The following DPY19L1 variants were observed in gnomAD, a reference collection of about 807,000 sequenced individuals.
The protein encoded by DPY19L1 is protein C-mannosyl-transferase DPY19L1.
A neutral mutation model predicts 96.9 loss-of-function variants in DPY19L1; 35 were observed. The ratio of observed to expected loss-of-function variants is 0.36; its 90% CI spans 0.28 to 0.48. DPY19L1 has a LOEUF of 0.48. Ranked by LOEUF, DPY19L1 falls within the 20% of genes least tolerant of loss-of-function variation. The pLI, the probability that DPY19L1 is intolerant of heterozygous loss-of-function variation, is 0.99. For missense variants in DPY19L1, 521 were observed against 777.9 expected (o/e 0.67, Z 3.93); for synonymous variants, 205 against 252.6 (o/e 0.81, Z 1.79).
chr7:35,020,741 C>T (rs10261043), intron 1 of DPY19L1, among the ~76,000 whole-genome samples: 1 of 152,016 alleles, frequency 6.6e-6, no homozygotes, highest in Non-Finnish European at 1.5e-5. Flanking sequence ...AGGAGTCTTG[C>T]TCTGTCACCC....
chr7:34,957,315 G>A (rs768432049), intron 11 of DPY19L1, among the ~76,000 whole-genome samples: 1 of 152,128 alleles, frequency 6.6e-6, no homozygotes, highest in African/African-American at 2.4e-5. Context: ...CTGGGAGGCG[G>A]AGTGAGCCAA....
Position 35,006,802 on chromosome 7 carries a change from G to C in DPY19L1, c.764+3666C>G, listed in dbSNP as rs1785568221. Among the ~76,000 whole-genome samples, 5 of 152,110 alleles carry C rather than the reference G, an allele frequency of 3.3e-5. No individual in the cohort carries two copies. The South Asian group carries it at 1.0e-3, about 32-fold the overall frequency. On this transcript the variant is annotated intron_variant, in intron 6 of 21. Coordinates refer to ENST00000638088, the MANE Select transcript of DPY19L1 (RefSeq NM_001366673.1). ...TTCTATTTTCCCTTCTTCCATTTCT[G>C]GCGAAATGGACTGGCTTACCTGGCT...
chr7:34,938,282 A>C (rs1783916546), intron 20 of DPY19L1, among the ~76,000 whole-genome samples, 163 bp from the exon 21 acceptor site: 1 of 152,266 alleles, frequency 6.6e-6, no homozygotes, highest in African/African-American at 2.4e-5. Flanking sequence ...TGAGGTCAAA[A>C]GCAGAAGGCA....
intron 11 of DPY19L1, among the ~76,000 whole-genome samples, chr7:34,957,134 G>A (rs1323896676): frequency 6.6e-6 from 1 of 151,926 alleles, no homozygotes; most frequent in African/African-American, 2.4e-5. Context: ...TGTAATCCCA[G>A]CACTTTGGGA....
Position 34,931,715 on chromosome 7 carries a change from A to G in DPY19L1, c.2105T>C (p.Met702Thr). The G allele has an allele frequency of 1.3e-6, 2 of 1,568,040 alleles. No individual in the cohort carries two copies. The highest frequency in any genetic ancestry group is 1.7e-6 in the Non-Finnish European group (2 of 1,163,182). The change falls in exon 22 of 22, where the codon ATG becomes ACG. Residue 702 changes from methionine to threonine, a missense_variant. Met to Thr is a moderately conservative substitution (Grantham distance 81). Coordinates refer to ENST00000638088, the MANE Select transcript of DPY19L1 (RefSeq NM_001366673.1). ...ATCTTCTACATCCCAAATTTCAGGCATACTGCAACCAGGCCTAGAAAAATG... is the reference window on the plus strand; with the variant it reads ...ATCTTCTACATCCCAAATTTCAGGCGTACTGCAACCAGGCCTAGAAAAATG... ...CVRRSKPGCS[M>T]PEIWDVEDPA...
At chr7:34,973,733 C>G in intron 7 of DPY19L1, 128 bp from the exon 8 acceptor site, 1 of 440,484 alleles carries the variant, frequency 2.3e-6, no homozygotes, top group Non-Finnish European at 3.8e-6. Context: ...AAACAAACTA[C>G]TGGACTTTAT....
chr7:34,995,942 T>C (rs1023388924), intron 6 of DPY19L1, among the ~76,000 whole-genome samples: 6 of 151,094 alleles, frequency 4.0e-5, no homozygotes, highest in East Asian at 3.9e-4. Context: ...GGGGATTCAC[T>C]GGTTACTAAG....
chr7:34,998,177 T>C (rs1785335844), intron 6 of DPY19L1, among the ~76,000 whole-genome samples: 2 of 152,242 alleles, frequency 1.3e-5, no homozygotes, highest in South Asian at 4.1e-4. Flanking sequence ...TCTGACTAGC[T>C]GGTTCCTTAT....
At chr7:34,978,487 T>C (rs539460473) in intron 7 of DPY19L1, among the ~76,000 whole-genome samples, 1 of 152,338 alleles carries the variant, frequency 6.6e-6, no homozygotes, top group African/African-American at 2.4e-5. Flanking sequence ...AGAATCCTGC[T>C]GTCCACATAG....
chr7:35,036,298 T>G (rs1786397716), intron 1 of DPY19L1, among the ~76,000 whole-genome samples: 1 of 152,226 alleles, frequency 6.6e-6, no homozygotes, highest in Non-Finnish European at 1.5e-5. Flanking sequence ...TTTCACTAGT[T>G]GACTTAGAAA....
upstream of DPY19L1, chr7:35,037,563 G>A (rs1361903560): frequency 2.6e-5 from 8 of 303,912 alleles, no homozygotes; most frequent in African/African-American, 4.4e-5. Flanking sequence ...CGTGGAGGCC[G>A]GGCGGCTGCT....
At chr7:35,028,634 T>A (rs1786185251) in intron 1 of DPY19L1, among the ~76,000 whole-genome samples, 1 of 152,120 alleles carries the variant, frequency 6.6e-6, no homozygotes, top group Non-Finnish European at 1.5e-5. Flanking sequence ...AAGAAAGAAT[T>A]CCGGGCGAGT....
chr7:34,968,587 G>A (rs1418485908), intron 9 of DPY19L1, among the ~76,000 whole-genome samples: 3 of 151,770 alleles, frequency 2.0e-5, no homozygotes, highest in African/African-American at 4.8e-5. Flanking sequence ...TAGCTAACAC[G>A]GTGAAACCCC....
chr7:34,947,696 T>A lies in DPY19L1; in HGVS notation c.1428A>T (p.Pro476=). 1.2e-6 allele frequency: 2 copies of A among 1,608,060 alleles called. No individual in the cohort carries two copies. Among genetic ancestry groups the A allele is most frequent in the Non-Finnish European group, 1.7e-6 (2 of 1,177,950 alleles). ...AEFDFMEKET[P]LRYTKTLLLP... ...GCAATAATGTCTTTGTGTATCTCAG[T>A]GGAGTCTGAAATTCAAAGAGATGTT... is the stretch of plus-strand genomic sequence containing the variant. Residue 476 remains proline, a synonymous_variant, in exon 15 of 22, where the codon CCA becomes CCT. Transcript: ENST00000638088.
chr7:34,955,686 A>T (rs1223008218), intron 11 of DPY19L1, among the ~76,000 whole-genome samples: 1 of 152,192 alleles, frequency 6.6e-6, no homozygotes, highest in African/African-American at 2.4e-5. Flanking sequence ...AATTTTGGAC[A>T]GTAGTCATAC....
intron 18 of DPY19L1, 57 bp from the exon 19 acceptor site, chr7:34,940,384 T>C (rs760562698): frequency 9.1e-5 from 132 of 1,446,206 alleles, no homozygotes; most frequent in Non-Finnish European, 1.2e-4. Flanking sequence ...ATGCATCTGT[T>C]ATGCAAAACT....
intron 11 of DPY19L1, among the ~76,000 whole-genome samples, chr7:34,957,618 C>CA (rs896409094): frequency 6.0e-5 from 9 of 151,024 alleles, no homozygotes; most frequent in African/African-American, 1.7e-4. Context: ...CAAAACAAAA[C>CA]AAAAAACAGA....
chr7:35,025,089 T>A (rs1786091138), intron 1 of DPY19L1, among the ~76,000 whole-genome samples: 1 of 152,196 alleles, frequency 6.6e-6, no homozygotes, highest in Non-Finnish European at 1.5e-5. Context: ...ACAATTAAAG[T>A]ACCTGGAATC....
chr7:34,985,748 T>C (rs1785034019), intron 7 of DPY19L1, among the ~76,000 whole-genome samples: 1 of 152,086 alleles, frequency 6.6e-6, no homozygotes, highest in Non-Finnish European at 1.5e-5. Flanking sequence ...ACAGTCATTT[T>C]AGAAAACTAT....
Sources: gnomAD v4.1 joint callset for allele counts (sites outside exome capture counted in the v4.1 genomes callset) on GRCh38, gnomAD v4.1.1 for gene constraint, MANE v1.5 for transcripts, NCBI Gene and HGNC (gene_info 2026-07-23, HGNC 2026-07-21) for gene names.